Variants in RGS3 observed in about 807,000 individuals in gnomAD.
The protein encoded by RGS3 is regulator of G-protein signalling 3.
RGS3 carries 80 observed loss-of-function variants against 132.6 expected under a neutral mutation model. The ratio of observed to expected loss-of-function variants is 0.60; its 90% CI spans 0.50 to 0.73. The LOEUF (loss-of-function observed/expected upper bound fraction) is 0.73, where lower values mean the gene tolerates loss of function less well. Ranked by LOEUF, RGS3 falls within the 30% of genes least tolerant of loss-of-function variation. The pLI is 0.00. For missense variants in RGS3, 1,382 were observed against 1,530.8 expected (o/e 0.90, Z 1.62); for synonymous variants, 598 against 620.6 (o/e 0.96, Z 0.54).
intron 3 of RGS3, among the ~76,000 whole-genome samples, chr9:113,464,161 C>T (rs1283262877): frequency 6.6e-6 from 1 of 152,244 alleles, no homozygotes; most frequent in African/African-American, 2.4e-5. Context: ...GTTAATCTTT[C>T]AGAGACCTGG....
intron 1 of RGS3, among the ~76,000 whole-genome samples, chr9:113,448,865 G>T (rs1422374634): frequency 6.6e-6 from 1 of 152,220 alleles, no homozygotes; most frequent in Non-Finnish European, 1.5e-5. Flanking sequence ...GGTCACTTTG[G>T]ATATTACCAT....
chr9:113,524,971 G>A (rs1265470142), intron 17 of RGS3, among the ~76,000 whole-genome samples: 3 of 152,192 alleles, frequency 2.0e-5, no homozygotes, highest in African/African-American at 4.8e-5. Flanking sequence ...CAGGTGCTGA[G>A]CTGCTTTTGA....
chr9:113,576,683 ACGTGAGG>A (rs1384073098), intron 19 of RGS3, among the ~76,000 whole-genome samples: 3 of 152,210 alleles, frequency 2.0e-5, no homozygotes, highest in Admixed American at 2.0e-4. Flanking sequence ...GAGTGGTCAG[ACGTGAGG>A]CTACAGGGAG....
At chr9:113,586,129 C>T (rs1161895842) in intron 20 of RGS3, among the ~76,000 whole-genome samples, 3 of 152,146 alleles carry the variant, frequency 2.0e-5, no homozygotes, top group Admixed American at 2.0e-4. Flanking sequence ...TTGAATATCA[C>T]CATCTTAGGC....
chr9:113,592,992 C>T (rs1008832392), intron 21 of RGS3: 6 of 152,180 alleles, frequency 3.9e-5, no homozygotes, highest in Non-Finnish European at 8.8e-5. Context: ...GAATAAACTA[C>T]TGTGCAAAGA....
chr9:113,526,424 C>T (rs1449028992), intron 17 of RGS3, among the ~76,000 whole-genome samples: 5 of 152,130 alleles, frequency 3.3e-5, no homozygotes, highest in African/African-American at 4.8e-5. Flanking sequence ...GACGAGTAAC[C>T]GTGGAGGGGT....
chr9:113,541,967 C>A, intron 19 of RGS3: 1 of 666,290 alleles, frequency 1.5e-6, no homozygotes, highest in Non-Finnish European at 1.9e-6. Flanking sequence ...TCGCTCTCAT[C>A]AAGATTTCAG....
intron 6 of RGS3, 118 bp downstream of exon 4, chr9:113,484,350 CCAAAACAAAAAAAA>C: frequency 2.3e-6 from 1 of 431,582 alleles, no homozygotes; most frequent in Non-Finnish European, 4.1e-6. Context: ...AAAAAAAAAA[CCAAAACAAAAAAAA>C]CCAGTGCCTT....
Position 113,537,769 on chromosome 9 carries a change from C to T in RGS3, c.2037+851C>T, listed in dbSNP as rs1298197205. Among the ~76,000 whole-genome samples the T allele has an allele frequency of 1.3e-5, 2 of 152,162 alleles. No homozygotes were observed. The highest frequency in any genetic ancestry group is 2.9e-5 in the Non-Finnish European group (2 of 68,028). ...ACTTCTCCCTGGTGCAGTCAGTCCC[C>T]TATGCCATGGGCAGCAGGCCTATGC... On this transcript the variant is annotated intron_variant, in intron 19 of 24. Transcript: ENST00000350696. The surrounding 1 kb of genome is among the most constrained non-coding windows in gnomAD (Gnocchi z 4.3).
chr9:113,594,329 C>T (rs765330027), intron 21 of RGS3, 101 bp from the exon 20 acceptor site: 53 of 1,591,780 alleles, frequency 3.3e-5, no homozygotes, highest in South Asian at 5.7e-5. Flanking sequence ...AGGCGACACA[C>T]GATGAAGGAG....
chr9:113,553,441 TAAAAAAAA>T (rs66536651), intron 19 of RGS3, among the ~76,000 whole-genome samples: 1 of 20,406 alleles, frequency 4.9e-5, no homozygotes, highest in African/African-American at 1.7e-4. Flanking sequence ...AAACTCTGTT[TAAAAAAAA>T]AAAAAAAAAA....
At chr9:113,580,763 G>A in intron 19 of RGS3, 1 of 981,668 alleles carries the variant, frequency 1.0e-6, no homozygotes, top group Non-Finnish European at 1.2e-6. Flanking sequence ...ATTTAGAACA[G>A]GGTTGGCAGA....
intron 19 of RGS3, among the ~76,000 whole-genome samples, chr9:113,541,132 C>G (rs928498659): frequency 6.6e-6 from 1 of 152,156 alleles, no homozygotes; most frequent in Non-Finnish European, 1.5e-5. Flanking sequence ...TGCTCTGGCT[C>G]TAAGACTTCT....
intron 20 of RGS3, 79 bp downstream of exon 18, chr9:113,584,506 G>T: frequency 7.2e-7 from 1 of 1,391,280 alleles, no homozygotes; most frequent in Non-Finnish European, 9.5e-7. Context: ...GGAATGAGAA[G>T]TCACCATGTT....
At chr9:113,483,341 G>A (rs2119224670) in intron 5 of RGS3, among the ~76,000 whole-genome samples, 1 of 152,284 alleles carries the variant, frequency 6.6e-6, no homozygotes, top group East Asian at 1.9e-4. Flanking sequence ...AAATCTTAAG[G>A]GCGATCTTGG....
intron 23 of RGS3, 90 bp downstream of exon 21, chr9:113,595,070 G>A: frequency 7.8e-7 from 1 of 1,275,626 alleles, no homozygotes; most frequent in Non-Finnish European, 1.1e-6. Flanking sequence ...TGCTAGAGAG[G>A]CCGCCTTCCC....
chr9:113,501,801 C>T (rs1289234000), intron 10 of RGS3, among the ~76,000 whole-genome samples: 1 of 152,212 alleles, frequency 6.6e-6, no homozygotes, highest in Non-Finnish European at 1.5e-5. Context: ...ACCCAAGGCC[C>T]CTTTAGGGCC....
intron 19 of RGS3, chr9:113,541,479 A>G (rs747496152): frequency 1.3e-6 from 2 of 1,599,636 alleles, no homozygotes; most frequent in Non-Finnish European, 1.7e-6. Flanking sequence ...TTTCTTGGGC[A>G]TCCCCTACCA....
intron 3 of RGS3, among the ~76,000 whole-genome samples, chr9:113,478,117 TG>T (rs1457157837): frequency 4.6e-5 from 7 of 152,240 alleles, no homozygotes; most frequent in African/African-American, 1.7e-4. Flanking sequence ...TAAACAAAAA[TG>T]GGAAAAGCCA....
Sources: gnomAD v4.1 joint callset for allele counts (sites outside exome capture counted in the v4.1 genomes callset) on GRCh38, gnomAD v4.1.1 for gene constraint, Gnocchi (gnomAD v3.1) non-coding constraint, MANE v1.5 for transcripts, NCBI Gene and HGNC (gene_info 2026-07-23, HGNC 2026-07-21) for gene names.